The following FYN variants were observed in gnomAD, a reference collection of about 807,000 sequenced individuals.
FYN encodes the protein FYN proto-oncogene, Src family tyrosine kinase.
A neutral mutation model predicts 70.2 loss-of-function variants in FYN; 10 were observed. The observed-to-expected ratio is 0.14, with a 90% CI of 0.09 to 0.24. The LOEUF is 0.24. FYN is among the 10% of genes least tolerant of loss of function. The pLI is 1.00. For missense variants in FYN, 319 were observed against 673.1 expected (o/e 0.47, Z 5.82); for synonymous variants, 236 against 248.6 (o/e 0.95, Z 0.48).
intron 3 of FYN, among the ~76,000 whole-genome samples, chr6:111,728,278 C>A (rs974127773): frequency 6.6e-6 from 1 of 152,314 alleles, no homozygotes. Flanking sequence ...GCTCCACCCC[C>A]TGCCCGCAAG....
At chr6:111,845,381 C>T (rs1773497038) in intron 2 of FYN, among the ~76,000 whole-genome samples, 1 of 152,222 alleles carries the variant, frequency 6.6e-6, no homozygotes, top group South Asian at 2.1e-4. Context: ...AAGGCTCCTT[C>T]TGCCTTGTCC....
intron 5 of FYN, chr6:111,708,293 G>A: frequency 2.7e-6 from 1 of 376,156 alleles, no homozygotes; most frequent in South Asian, 3.6e-5. Context: ...TCTTGGTAGG[G>A]GGCATTTTGC....
intron 2 of FYN, among the ~76,000 whole-genome samples, chr6:111,804,874 T>C (rs1772100669): frequency 6.6e-6 from 1 of 152,202 alleles, no homozygotes; most frequent in Non-Finnish European, 1.5e-5. Flanking sequence ...TAGGCTTCGC[T>C]GGTCATTTCT....
chr6:111,780,312 G>A (rs951638260), intron 3 of FYN, among the ~76,000 whole-genome samples: 1 of 152,000 alleles, frequency 6.6e-6, no homozygotes. Context: ...TTCTTTAACC[G>A]GCATCCGGAA....
intron 3 of FYN, among the ~76,000 whole-genome samples, chr6:111,753,780 A>G (rs1802588982): frequency 6.6e-6 from 1 of 152,218 alleles, no homozygotes; most frequent in Non-Finnish European, 1.5e-5. Context: ...TAAAAGTGTG[A>G]TCTAATGTGG....
chr6:111,746,204 G>A (rs947178730), intron 3 of FYN, among the ~76,000 whole-genome samples: 1 of 152,290 alleles, frequency 6.6e-6, no homozygotes, highest in African/African-American at 2.4e-5. Context: ...ACAGTGCAAT[G>A]TATAAACAGA....
intron 13 of FYN, among the ~76,000 whole-genome samples, chr6:111,667,439 A>G (rs1798063906): frequency 6.6e-6 from 1 of 151,704 alleles, no homozygotes; most frequent in Admixed American, 6.6e-5. Context: ...TTTTTTGTAG[A>G]GATAGCATCT....
In FYN at chr6:111,696,423, T is replaced by C. The variant is rs1348043585; in HGVS notation, c.896A>G (p.Lys299Arg). The C allele has an allele frequency of 1.2e-6, 2 of 1,609,550 alleles. No homozygotes were observed. The highest frequency in any genetic ancestry group is 1.7e-6 in the Non-Finnish European group (2 of 1,177,802). Reference protein sequence around the residue: ...TWNGNTKVAIKTLKPGTMSPE... With the variant: ...TWNGNTKVAIRTLKPGTMSPE... The stretch of plus-strand genomic sequence containing the variant: ...GGACATTGTGCCTGGTTTAAGAGTC[T>C]TTATGGCTACTTTTGTGTTTCCATT... The change falls in exon 10 of 14, where the codon AAG becomes AGG. Residue 299 changes from lysine (K) to arginine (R), a missense_variant. Around this residue, in one of 4 missense-constraint regions of FYN, gnomAD observed 112 missense variants for 250.2 expected, o/e 0.45. Coordinates refer to ENST00000354650, the MANE Select transcript of FYN (RefSeq NM_002037.5).
intron 2 of FYN, among the ~76,000 whole-genome samples, chr6:111,845,447 C>G (rs1037232100): frequency 6.6e-6 from 1 of 152,184 alleles, no homozygotes; most frequent in Non-Finnish European, 1.5e-5. Context: ...GCTGAAAAGC[C>G]CGTGACTAGC....
chr6:111,708,395 G>A (rs745926312), intron 5 of FYN, among the ~76,000 whole-genome samples: 43 of 152,156 alleles, frequency 2.8e-4, no homozygotes, highest in Non-Finnish European at 5.3e-4. Flanking sequence ...ATCTGGGAAG[G>A]GAAGCTTTTT....
chr6:111,748,912 C>T (rs757378860), intron 3 of FYN, among the ~76,000 whole-genome samples: 1 of 152,022 alleles, frequency 6.6e-6, no homozygotes, highest in African/African-American at 2.4e-5. Context: ...GGGAAAGGAC[C>T]GGTATACTCA....
intron 13 of FYN, among the ~76,000 whole-genome samples, chr6:111,672,041 G>A (rs1464474274): frequency 6.6e-6 from 1 of 152,156 alleles, no homozygotes; most frequent in African/African-American, 2.4e-5. Flanking sequence ...CACCCCCAAT[G>A]AGGACACGGT....
chr6:111,798,212 G>T (rs1416726194), intron 2 of FYN: 1 of 152,098 alleles, frequency 6.6e-6, no homozygotes. Context: ...AAATCAAAGA[G>T]AAAGTATACA....
At chr6:111,767,115 C>T (rs968865736) in intron 3 of FYN, among the ~76,000 whole-genome samples, 13 of 152,162 alleles carry the variant, frequency 8.5e-5, no homozygotes, top group African/African-American at 3.1e-4. Context: ...ACAAGATCAC[C>T]CAGTATCCAG....
intron 3 of FYN, among the ~76,000 whole-genome samples, chr6:111,730,322 G>C (rs1338765806): frequency 6.6e-6 from 1 of 152,204 alleles, no homozygotes. Flanking sequence ...ACCAAAAGCA[G>C]GGTGGCTGGA....
chr6:111,689,100 C>T (rs1259112404), intron 12 of FYN, among the ~76,000 whole-genome samples: 1 of 152,104 alleles, frequency 6.6e-6, no homozygotes, highest in African/African-American at 2.4e-5. Flanking sequence ...TCACAACTCT[C>T]AAAGAACTTT....
chr6:111,748,737 A>C (rs940458320), intron 3 of FYN, among the ~76,000 whole-genome samples: 1 of 152,248 alleles, frequency 6.6e-6, no homozygotes, highest in African/African-American at 2.4e-5. Flanking sequence ...TAAATTTTAA[A>C]ATATGATTAC....
At chr6:111,795,730 A>G (rs978813029) in intron 2 of FYN, among the ~76,000 whole-genome samples, 6 of 152,222 alleles carry the variant, frequency 3.9e-5, no homozygotes, top group African/African-American at 1.4e-4. Flanking sequence ...CACTTTGCAT[A>G]TATTATCTCA....
intron 3 of FYN, among the ~76,000 whole-genome samples, chr6:111,730,029 A>G (rs1801376282): frequency 6.6e-6 from 1 of 152,234 alleles, no homozygotes; most frequent in South Asian, 2.1e-4. Context: ...TACTTTGTCA[A>G]CTGAAAAATT....
Sources: allele counts gnomAD v4.1 joint callset (sites outside exome capture counted in the v4.1 genomes callset), GRCh38; gene constraint gnomAD v4.1.1; regional missense constraint gnomAD v4.1.1; transcripts MANE v1.5; gene names NCBI Gene and HGNC (gene_info 2026-07-23, HGNC 2026-07-21).